The following TAFA1 variants were observed in gnomAD, a reference collection of about 807,000 sequenced individuals.
The protein encoded by TAFA1 is chemokine-like protein TAFA-1.
In TAFA1, 4 loss-of-function variants were observed where a neutral mutation model predicts 18.5. That is an observed-to-expected ratio of 0.22 (90% confidence interval 0.11 to 0.49). The LOEUF is 0.49. Ranked by LOEUF, TAFA1 falls within the 20% of genes least tolerant of loss-of-function variation. The probability of loss-of-function intolerance (pLI) is 0.98; values close to 1 mark genes in which losing one functional copy is unlikely to be tolerated. For synonymous variants in TAFA1, 56 were observed against 55.2 expected (o/e 1.01, Z -0.06); for missense variants, 147 against 169.0 (o/e 0.87, Z 0.72).
intron 2 of TAFA1, chr3:68,247,544 C>T (rs894109982): frequency 6.6e-6 from 1 of 152,144 alleles, no homozygotes; most frequent in Non-Finnish European, 1.5e-5. Context: ...CACCCAGGCA[C>T]ACTGAGGCCC....
chr3:68,465,774 T>A (rs2071875661), intron 3 of TAFA1, among the ~76,000 whole-genome samples: 2 of 152,156 alleles, frequency 1.3e-5, no homozygotes, highest in South Asian at 2.1e-4. Flanking sequence ...TCTACTTATA[T>A]CCATTTGCTC....
At chr3:68,395,480 A>C (rs1301284450) in intron 2 of TAFA1, among the ~76,000 whole-genome samples, 2 of 152,178 alleles carry the variant, frequency 1.3e-5, no homozygotes, top group Admixed American at 6.6e-5. Flanking sequence ...CACTATAAAG[A>C]CACATACGTT....
chr3:68,330,575 A>G (rs2068850185), intron 2 of TAFA1, among the ~76,000 whole-genome samples: 1 of 152,158 alleles, frequency 6.6e-6, no homozygotes, highest in South Asian at 2.1e-4. Flanking sequence ...TTAATCCCCA[A>G]AACAACCCTG....
At chr3:68,378,393 GA>G (rs112647757) in intron 2 of TAFA1, among the ~76,000 whole-genome samples, 9 of 152,208 alleles carry the variant, frequency 5.9e-5, no homozygotes, top group African/African-American at 2.2e-4. Context: ...TTGTTTTGGC[GA>G]ATTCCTCCCA....
At chr3:68,142,918 T>TC (rs1188853477) in intron 2 of TAFA1, among the ~76,000 whole-genome samples, 1 of 151,536 alleles carries the variant, frequency 6.6e-6, no homozygotes, top group Non-Finnish European at 1.5e-5. Context: ...ATCGTTATTT[T>TC]TTTTTTTTAG....
At chr3:68,534,671 C>T (rs1363710390) in intron 3 of TAFA1, among the ~76,000 whole-genome samples, 1 of 152,126 alleles carries the variant, frequency 6.6e-6, no homozygotes, top group East Asian at 1.9e-4. Flanking sequence ...TCTTTTCCCC[C>T]TATGAACCAG....
intron 3 of TAFA1, among the ~76,000 whole-genome samples, chr3:68,461,431 T>A (rs1553823): frequency 0.41 from 58,984 of 145,192 alleles, 12,664 homozygotes; most frequent in Non-Finnish European, 0.44. Context: ...TAGTTGGACC[T>A]GGCTATGTGA....
intron 2 of TAFA1, among the ~76,000 whole-genome samples, chr3:68,076,365 GT>G (rs1329720978): frequency 3.3e-5 from 5 of 151,400 alleles, no homozygotes; most frequent in African/African-American, 1.2e-4. Flanking sequence ...GTGCAGGTTA[GT>G]TACATATGTA....
rs371683404 is a variant in TAFA1, at chr3:68,299,891, G to T, written c.119-117389G>T. 6.6e-4 allele frequency among the ~76,000 whole-genome samples: 101 copies of T among 152,342 alleles called. No homozygotes were observed. The Middle Eastern group carries it at 0.01, about 15-fold the overall frequency. Reference sequence around the variant, plus strand: ...AGGTACACAAAAGTCAAGAATTGAGGTTTGGAAACCTCTGCCTAGATTTCA... The same window carrying T: ...AGGTACACAAAAGTCAAGAATTGAGTTTTGGAAACCTCTGCCTAGATTTCA... On this transcript the variant is annotated intron_variant, in intron 2 of 4. Transcript: ENST00000478136.
intron 2 of TAFA1, among the ~76,000 whole-genome samples, chr3:68,081,378 G>C (rs949023160): frequency 1.3e-5 from 2 of 152,044 alleles, no homozygotes; most frequent in African/African-American, 4.8e-5. Flanking sequence ...CTTTGGAGGA[G>C]GAGAGGCGCT....
intron 3 of TAFA1, among the ~76,000 whole-genome samples, chr3:68,434,858 C>T (rs1030520677): frequency 1.1e-4 from 17 of 151,966 alleles, no homozygotes; most frequent in African/African-American, 3.4e-4. Flanking sequence ...TACCTCCTGT[C>T]GAAACCAAAA....
chr3:68,477,373 T>A (rs1481934294), intron 3 of TAFA1, among the ~76,000 whole-genome samples: 4 of 151,718 alleles, frequency 2.6e-5, no homozygotes, highest in Non-Finnish European at 2.9e-5. Context: ...ATAGTGCTTT[T>A]AAAAAAAAAT....
chr3:68,195,668 C>T (rs914729995), intron 2 of TAFA1, among the ~76,000 whole-genome samples: 3 of 151,584 alleles, frequency 2.0e-5, no homozygotes, highest in Admixed American at 1.3e-4. Context: ...CCAACTTGTC[C>T]ACCATGTTAA....
At chr3:68,297,895 G>T (rs2068238539) in intron 2 of TAFA1, among the ~76,000 whole-genome samples, 1 of 152,060 alleles carries the variant, frequency 6.6e-6, no homozygotes, top group Non-Finnish European at 1.5e-5. Flanking sequence ...AGCTCAGTAA[G>T]TCTAGCATTT....
At chr3:68,044,276 G>T (rs1284795250) in intron 2 of TAFA1, among the ~76,000 whole-genome samples, 4 of 152,076 alleles carry the variant, frequency 2.6e-5, no homozygotes, top group Non-Finnish European at 1.5e-5. Flanking sequence ...TTTATCTCTG[G>T]CATTTTAACT....
At chr3:68,267,745 T>G (rs986638756) in intron 2 of TAFA1, among the ~76,000 whole-genome samples, 2 of 152,220 alleles carry the variant, frequency 1.3e-5, no homozygotes, top group African/African-American at 4.8e-5. Flanking sequence ...TTTTAACTTT[T>G]CAAGTCTTAT....
At chr3:68,493,038 G>GTACAGTT (rs1205451408) in intron 3 of TAFA1, among the ~76,000 whole-genome samples, 35 of 152,052 alleles carry the variant, frequency 2.3e-4, no homozygotes, top group African/African-American at 7.0e-4. Flanking sequence ...ATTTTTAAGT[G>GTACAGTT]TACAGTTTAG....
intron 2 of TAFA1, among the ~76,000 whole-genome samples, chr3:68,172,263 A>G (rs1350425976): frequency 6.6e-6 from 1 of 152,208 alleles, no homozygotes; most frequent in Non-Finnish European, 1.5e-5. Flanking sequence ...ATGACTTTTC[A>G]CCAGAAATTA....
At chr3:68,305,164 C>T (rs953580284) in intron 2 of TAFA1, among the ~76,000 whole-genome samples, 2 of 151,492 alleles carry the variant, frequency 1.3e-5, no homozygotes, top group Non-Finnish European at 2.9e-5. Context: ...CTCATTATTC[C>T]TTGTCTTTCA....
Sources: gnomAD v4.1 joint callset for allele counts (sites outside exome capture counted in the v4.1 genomes callset) on GRCh38, gnomAD v4.1.1 for gene constraint, MANE v1.5 for transcripts, NCBI Gene and HGNC (gene_info 2026-07-23, HGNC 2026-07-21) for gene names.